NRCAM: variants seen among roughly 807,000 people sequenced by gnomAD.
NRCAM encodes the protein NgCAM-related cell adhesion molecule.
Under a neutral mutation model 156.5 loss-of-function variants are expected in NRCAM, and 83 were observed. That is an observed-to-expected ratio of 0.53 (90% CI 0.44 to 0.64). NRCAM has a LOEUF of 0.64. Among genes scored for constraint, NRCAM ranks in the 30% least tolerant of loss-of-function variants. The probability of loss-of-function intolerance (pLI) is 0.00; values close to 1 mark genes in which losing one functional copy is unlikely to be tolerated. For missense variants in NRCAM, 1,417 were observed against 1,597.3 expected (o/e 0.89, Z 1.92); for synonymous variants, 538 against 563.9 (o/e 0.95, Z 0.65).
intron 2 of NRCAM, among the ~76,000 whole-genome samples, chr7:108,336,813 A>C (rs1404839566): frequency 2.0e-5 from 3 of 152,224 alleles, no homozygotes; most frequent in Non-Finnish European, 4.4e-5. Context: ...AATAATTACA[A>C]GTAAATAACT....
chr7:108,444,155 T>C (rs185372543), intron 1 of NRCAM, among the ~76,000 whole-genome samples: 4 of 152,342 alleles, frequency 2.6e-5, no homozygotes, highest in African/African-American at 9.6e-5. Context: ...TTACATAGCA[T>C]TTACATTGTA....
rs779703662 is a variant in NRCAM at position 108,318,039 on chromosome 7, C to CTTTTTTT, written c.-173-5315_-173-5309dup. Among the ~76,000 whole-genome samples the CTTTTTTT allele has an allele frequency of 6.0e-4, 44 of 72,854 alleles. 2 individuals carry two copies. Among genetic ancestry groups the CTTTTTTT allele is most frequent in the Non-Finnish European group, 7.1e-4 (30 of 41,998 alleles). 47.8% of individuals were successfully genotyped at this position (72,854 alleles called of 152,430 possible). The stretch of plus-strand genomic sequence containing the variant: ...GGAGGGACCTGGAAATTCACTTTTC[C>CTTTTTTT]TTTTTTTTTTTTTTTTTTTTTTTTG... On this transcript the variant is annotated intron_variant, in intron 2 of 32. Coordinates refer to ENST00000379028, the MANE Select transcript of NRCAM (RefSeq NM_001037132.4).
chr7:108,367,732 G>GT (rs1169013452), intron 2 of NRCAM, among the ~76,000 whole-genome samples: 7 of 152,126 alleles, frequency 4.6e-5, no homozygotes, highest in Admixed American at 4.6e-4. Context: ...ATCATATGTT[G>GT]TAAGTGAAAA....
At chr7:108,196,406 A>C (rs2299992) in intron 14 of NRCAM, among the ~76,000 whole-genome samples, 35,460 of 152,160 alleles carry the variant, frequency 0.23, 4,355 homozygotes, top group Non-Finnish European at 0.27. Flanking sequence ...AACCTATGGA[A>C]GGGGAGAAAA....
At chr7:108,443,318 T>A (rs1840667128) in intron 1 of NRCAM, among the ~76,000 whole-genome samples, 1 of 152,110 alleles carries the variant, frequency 6.6e-6, no homozygotes, top group African/African-American at 2.4e-5. Flanking sequence ...TCACACCAAA[T>A]GGGGAGACAT....
At chr7:108,370,329 G>A (rs928558551) in intron 2 of NRCAM, among the ~76,000 whole-genome samples, 4 of 152,110 alleles carry the variant, frequency 2.6e-5, no homozygotes, top group African/African-American at 9.7e-5. Flanking sequence ...CTTTCTTTGC[G>A]TCTTACTTTC....
In NRCAM at chr7:108,265,669, C is replaced by T. The variant is rs913570430; in HGVS notation, c.-106-25499G>A. On this transcript the variant is annotated intron_variant, in intron 3 of 32. Transcript: ENST00000379028. ...CTGTCTGTGCCAAGAAATTTGCAAACATTAGCTTACTTTATCTTTACAGGA... is the reference window on the plus strand; with the variant it reads ...CTGTCTGTGCCAAGAAATTTGCAAATATTAGCTTACTTTATCTTTACAGGA... Among the ~76,000 whole-genome samples, 9 of 152,210 alleles carry T rather than the reference C, an allele frequency of 5.9e-5. No individual in the cohort carries two copies. The East Asian group carries it at 1.5e-3, about 26-fold the overall frequency.
At chr7:108,270,593 T>C (rs980153095) in intron 3 of NRCAM, among the ~76,000 whole-genome samples, 19 of 152,148 alleles carry the variant, frequency 1.2e-4, no homozygotes, top group African/African-American at 4.3e-4. Flanking sequence ...CTTACGTCCA[T>C]AGCAACGACA....
chr7:108,423,882 A>G (rs1813563245), intron 1 of NRCAM, among the ~76,000 whole-genome samples: 1 of 152,224 alleles, frequency 6.6e-6, no homozygotes, highest in Admixed American at 6.5e-5. Flanking sequence ...TGCTGACGTC[A>G]GAGTGTTGAA....
At position 108,150,132 on chromosome 7, in the gene NRCAM, G is replaced by A. The variant is rs759779206; in HGVS notation, c.3693C>T (p.His1231=). The change falls in exon 33 of 33, where the codon CAC becomes CAT. Residue 1231 remains histidine (H), a synonymous_variant. Transcript: ENST00000379028. ...TFGEYSDAED[H]KPLKKGSRTP... is the part of the protein sequence containing the mutation. ...TTCGACTTCCTTTTTTCAAAGGCTT[G>A]TGGTCTTCTGCATCACTGGAAGAAA... is the stretch of plus-strand genomic sequence containing the variant. The A allele has an allele frequency of 5.0e-6, 8 of 1,604,912 alleles. No homozygotes were observed. In the Admixed American group the frequency reaches 1.4e-4, roughly 28 times the overall value.
rs7781899 is a variant in NRCAM, at chr7:108,155,101, T to C, written c.3677+4362A>G. On this transcript the variant is annotated intron_variant, in intron 32 of 32. Coordinates refer to ENST00000379028, the MANE Select transcript of NRCAM (RefSeq NM_001037132.4). ...GATTTAAAAGTCATATATATATATA[T>C]ACACACACACACACACACACACACA... Among the ~76,000 whole-genome samples, 1,139 of 123,094 alleles carry C rather than the reference T, an allele frequency of 9.3e-3. 8 individuals carry two copies. Among genetic ancestry groups the C allele is most frequent in the African/African-American group, 0.026 (746 of 28,294 alleles). The allele number at this position is 123,094 out of a possible 152,430, so 80.8% of individuals were successfully genotyped here.
At chr7:108,175,295 TAA>T in intron 28 of NRCAM, 25 bp downstream of exon 28, 3 of 1,548,732 alleles carry the variant, frequency 1.9e-6, no homozygotes, top group Non-Finnish European at 2.6e-6. Context: ...CACACATGTA[TAA>T]AGTCATGCAG....
intron 3 of NRCAM, among the ~76,000 whole-genome samples, chr7:108,277,065 C>G (rs2097660031): frequency 6.6e-6 from 1 of 152,166 alleles, no homozygotes; most frequent in Non-Finnish European, 1.5e-5. Context: ...TATTGGCCCC[C>G]ACTCTCTTCT....
intron 1 of NRCAM, among the ~76,000 whole-genome samples, chr7:108,420,039 CGTGT>C (rs35840496): frequency 5.2e-4 from 77 of 146,734 alleles, no homozygotes; most frequent in African/African-American, 6.1e-4. Context: ...TTAGTTCCAT[CGTGT>C]GTGTGTGTGT....
Position 108,168,320 on chromosome 7 carries a change from T to A in NRCAM, c.3270A>T (p.Gly1090=). The A allele has an allele frequency of 6.2e-7, 1 of 1,608,480 alleles. No individual in the cohort carries two copies. Among genetic ancestry groups the A allele is most frequent in the Non-Finnish European group, 8.5e-7 (1 of 1,177,648 alleles). Residue 1090 remains glycine (G), a synonymous_variant, in exon 29 of 33, where the codon GGA becomes GGT. Transcript: ENST00000379028. The part of the protein sequence containing the change: ...TYANISWEYE[G]PEHVNFYVEY... ...CAACATAAAAGTTCACATGCTCTGGTCCCTCATATTCCCAACTGATATTGG... is the reference window on the plus strand; with the variant it reads ...CAACATAAAAGTTCACATGCTCTGGACCCTCATATTCCCAACTGATATTGG...
intron 1 of NRCAM, among the ~76,000 whole-genome samples, chr7:108,407,781 G>T (rs948570826): frequency 4.6e-5 from 7 of 152,330 alleles, no homozygotes; most frequent in South Asian, 4.1e-4. Context: ...TATCTTGATT[G>T]TGTTGATGGT....
chr7:108,407,931 T>C (rs150572171), intron 1 of NRCAM, among the ~76,000 whole-genome samples: 271 of 152,346 alleles, frequency 1.8e-3, no homozygotes, highest in African/African-American at 6.2e-3. Context: ...TCCGATTTAA[T>C]TGGTCTTGGG....
intron 11 of NRCAM, among the ~76,000 whole-genome samples, chr7:108,211,289 C>T (rs565047983): frequency 1.3e-5 from 2 of 152,224 alleles, no homozygotes; most frequent in African/African-American, 4.8e-5. Context: ...AGAGATCCTT[C>T]AGGAGGGCAG....
Position 108,189,706 on chromosome 7 carries a change from T to C in NRCAM, c.1974A>G (p.Gln658=). The C allele has an allele frequency of 6.4e-7, 1 of 1,558,450 alleles. No homozygotes were observed. The highest frequency in any genetic ancestry group is 8.8e-7 in the Non-Finnish European group (1 of 1,131,366). The change falls in exon 20 of 33, where the codon CAA becomes CAG. Residue 658 remains glutamine (Q), a synonymous_variant. Coordinates refer to ENST00000379028, the MANE Select transcript of NRCAM (RefSeq NM_001037132.4). The part of the protein sequence containing the change: ...NPPFDLELTD[Q]LDKSVQLSWT... ...ATGACAGCTGAACACTTTTGTCAAG[T>C]TGATCTGTCAGTTCTAAGTCAAAGG... is the stretch of plus-strand genomic sequence containing the variant.
Sources: allele counts gnomAD v4.1 joint callset (sites outside exome capture counted in the v4.1 genomes callset), GRCh38; gene constraint gnomAD v4.1.1; transcripts MANE v1.5; gene names NCBI Gene and HGNC (gene_info 2026-07-23, HGNC 2026-07-21).